Variants in STXBP2 observed in about 807,000 individuals in gnomAD.
STXBP2 encodes the protein syntaxin binding protein 2.
In STXBP2, 47 loss-of-function variants were observed where a neutral mutation model predicts 72.2. The ratio of observed to expected loss-of-function variants is 0.65; its 90% confidence interval spans 0.51 to 0.83. The LOEUF (loss-of-function observed/expected upper bound fraction) is 0.83. Ranked by LOEUF, STXBP2 falls within the 40% of genes least tolerant of loss-of-function variation. The pLI is 0.00. For synonymous variants in STXBP2, 367 were observed against 338.7 expected, an observed-to-expected ratio of 1.08 and a Z score of -0.92; for missense variants, 702 against 807.6, an observed-to-expected ratio of 0.87 and a Z score of 1.58.
intron 13 of STXBP2, chr19:7,644,389 G>A (rs2032044805): frequency 1.7e-6 from 1 of 599,568 alleles, no homozygotes; most frequent in Non-Finnish European, 3.0e-6. Context: ...GGTGTGACCT[G>A]TGTGTAGGTG....
intron 1 of STXBP2, 98 bp downstream of exon 1, chr19:7,637,284 T>C (rs1599386439): frequency 2.6e-6 from 3 of 1,171,906 alleles, no homozygotes; most frequent in Non-Finnish European, 3.2e-6. Context: ...CGGCTGGGAG[T>C]TGGGGGCCGG....
chr19:7,644,976 T>C lies in STXBP2; in HGVS notation c.1247-221T>C, dbSNP rs865776669. ...AACGTAGAAACCCTCACATCTGTGA[T>C]TCCTATAGATGTGGGGCTCCCTCAG... On this transcript the variant is annotated intron_variant, in intron 14 of 18. Coordinates refer to ENST00000221283, the MANE Select transcript of STXBP2 (RefSeq NM_006949.4). 1.1e-5 allele frequency: 16 copies of C among 1,446,878 alleles called. No homozygotes were observed. The South Asian group carries it at 1.7e-4, about 16-fold the overall frequency. The allele number at this position is 1,446,878 out of a possible 1,614,324, so 89.6% of individuals were successfully genotyped here.
At chr19:7,643,803 T>C (rs1310419558) in intron 13 of STXBP2, among the ~76,000 whole-genome samples, 3 of 94,330 alleles carry the variant, frequency 3.2e-5, no homozygotes, top group African/African-American at 1.3e-4. Context: ...GGATGAGGGG[T>C]GGAACCTTGG....
rs765646660 is a variant in STXBP2, at chr19:7,640,515, TGTGTGCATGC to T, written c.247-210_247-201del. 4.4e-4 allele frequency: 305 copies of T among 695,818 alleles called. 2 individuals carry two copies. The highest frequency in any genetic ancestry group is 1.6e-4 in the Non-Finnish European group (60 of 382,216). 43.1% of individuals were successfully genotyped at this position (695,818 alleles called of 1,614,324 possible). On this transcript the variant is annotated intron_variant, in intron 4 of 18. Transcript: ENST00000221283. ...GTGTGTGCATCTGTGTGTGTGTGCATGTGTGCATGCGTGTGTATGTGTGTGTGCGTGCGTG... is the reference window on the plus strand; with the variant it reads ...GTGTGTGCATCTGTGTGTGTGTGCATGTGTGTATGTGTGTGTGCGTGCGTG...
At chr19:7,641,303 G>A (rs2031865925) in intron 6 of STXBP2, 2 of 502,708 alleles carry the variant, frequency 4.0e-6, no homozygotes, top group Admixed American at 3.2e-5. Flanking sequence ...CCGGGAGGTC[G>A]AGGCTGCAGT....
intron 1 of STXBP2, among the ~76,000 whole-genome samples, chr19:7,637,425 T>C (rs567036839): frequency 6.6e-6 from 1 of 151,954 alleles, no homozygotes; most frequent in African/African-American, 2.4e-5. Flanking sequence ...AGGGGACGGG[T>C]AGAGTGTGGC....
chr19:7,646,349 TGGGTGGCAGGTCA>T lies in STXBP2; in HGVS notation c.1452+12_1452+24del, dbSNP rs754475066. 15 of 1,600,524 alleles carry T rather than the reference TGGGTGGCAGGTCA, an allele frequency of 9.4e-6. No homozygotes were observed. Among genetic ancestry groups the T allele is most frequent in the Non-Finnish European group, 1.3e-5 (15 of 1,174,516 alleles). On this transcript the variant is annotated splice_donor_region_variant and intron_variant, in intron 16 of 18. Transcript: ENST00000221283. ...GTCATCAAGGATGTAATGGAGGTAC[TGGGTGGCAGGTCA>T]GGGTGGGGGCCAGCCCTCCGCATCG...
upstream of STXBP2, chr19:7,632,665 A>G: frequency 6.5e-7 from 1 of 1,545,626 alleles, no homozygotes; most frequent in Non-Finnish European, 8.7e-7. This position sits in a 1 kb window ranked among gnomAD's most constrained non-coding sequence, Gnocchi z 5.2. Context: ...CTTGCCCTGC[A>G]CTCCCACCCC....
In STXBP2 at chr19:7,647,219, C is replaced by T; in HGVS notation, c.1510C>T (p.Pro504Ser). 6.2e-7 allele frequency: 1 copy of T among 1,611,814 alleles called. No homozygotes were observed. Among genetic ancestry groups the T allele is most frequent in the Non-Finnish European group, 8.5e-7 (1 of 1,179,784 alleles). ...GTGGCCCTTCGTATCCGACCCCGCC[C>T]CCACGGCCAGCTCCCAGGCCGCTGT... ...NLWPFVSDPA[P>S]TASSQAAVSA... Residue 504 changes from proline to serine, a missense_variant, in exon 17 of 19, where the codon CCC becomes TCC. Pro to Ser is a moderately conservative substitution (Grantham distance 74). Coordinates refer to ENST00000221283, the MANE Select transcript of STXBP2 (RefSeq NM_006949.4).
Position 7,639,229 on chromosome 19 carries a change from C to G in STXBP2, c.169+129C>G. The G allele has an allele frequency of 3.1e-6, 3 of 971,148 alleles. No individual in the cohort carries two copies. In the South Asian group the frequency reaches 4.1e-5, roughly 13 times the overall value. 60.2% of individuals were successfully genotyped at this position (971,148 alleles called of 1,614,324 possible). On this transcript the variant is annotated intron_variant, in intron 3 of 18. Transcript: ENST00000221283. ...TCCAGAACTCCCAAGTACGCAGCTCCCTGCACGGACAGCCCGGATCATGTG... is the reference window on the plus strand; with the variant it reads ...TCCAGAACTCCCAAGTACGCAGCTCGCTGCACGGACAGCCCGGATCATGTG...
chr19:7,637,740 G>A (rs1202443588), intron 1 of STXBP2, among the ~76,000 whole-genome samples: 1 of 152,130 alleles, frequency 6.6e-6, no homozygotes, highest in East Asian at 1.9e-4. Context: ...GGTGGAGGGC[G>A]CCTCTTCCTC....
chr19:7,632,335 A>G (rs565996462), upstream of STXBP2: 683 of 1,602,328 alleles, frequency 4.3e-4, 5 homozygotes, highest in South Asian at 5.8e-3. The surrounding 1 kb of genome is among the most constrained non-coding windows in gnomAD (Gnocchi z 5.2). Flanking sequence ...GGTGGAGGGC[A>G]GGATCGGAGA....
chr19:7,640,454 ATG>A (rs367797728), intron 4 of STXBP2: 187 of 620,248 alleles, frequency 3.0e-4, no homozygotes, highest in East Asian at 2.9e-3. Flanking sequence ...GTGTGTATGT[ATG>A]TGTGTGCATC....
At chr19:7,632,522 G>A (rs370764148), upstream of STXBP2, 43 of 1,612,596 alleles carry the variant, frequency 2.7e-5, no homozygotes, top group African/African-American at 2.5e-4. This position sits in a 1 kb window ranked among gnomAD's most constrained non-coding sequence, Gnocchi z 5.2. Flanking sequence ...CGCTCTCTGC[G>A]TGGACGTTCA....
At position 7,638,739 on chromosome 19, in the gene STXBP2, A is replaced by C. The variant is rs1168825403; in HGVS notation, c.51A>C (p.Gly17=). The change falls in exon 2 of 19, where the codon GGA becomes GGC. Residue 17 remains glycine (G), a synonymous_variant. Coordinates refer to ENST00000221283, the MANE Select transcript of STXBP2 (RefSeq NM_006949.4). The part of the protein sequence containing the change: ...KAVVGEKILS[G]VIRSVKKDGE... ...CCTTCCCTGCAGAAATTCTGAGCGG[A>C]GTTATTCGGAGTGTCAAGAAGGATG... The C allele has an allele frequency of 6.2e-7, 1 of 1,613,684 alleles. No homozygotes were observed. Among genetic ancestry groups the C allele is most frequent in the African/African-American group, 1.3e-5 (1 of 74,838 alleles).
At chr19:7,634,962 A>G (rs1301966096), upstream of STXBP2, among the ~76,000 whole-genome samples, 2 of 152,172 alleles carry the variant, frequency 1.3e-5, no homozygotes, top group African/African-American at 4.8e-5. Flanking sequence ...ACATATAACT[A>G]TCTTACAAGG....
chr19:7,630,434 T>TG, the STXBP2 span: 3 of 678,596 alleles, frequency 4.4e-6, no homozygotes, highest in Non-Finnish European at 7.7e-6. Flanking sequence ...TCTGTACCCT[T>TG]GGTGGGAGTT....
At chr19:7,630,348 A>C in the STXBP2 span, 1 of 576,334 alleles carries the variant, frequency 1.7e-6, no homozygotes, top group Non-Finnish European at 3.1e-6. Context: ...GTTTGAGAGG[A>C]AGACTCCAGC....
chr19:7,630,962 G>C, the STXBP2 span: 1 of 1,313,046 alleles, frequency 7.6e-7, no homozygotes, highest in Non-Finnish European at 1.1e-6. Context: ...GTAATCCCAG[G>C]GCATGGGAGG....
Sources: gnomAD v4.1 joint callset for allele counts (sites outside exome capture counted in the v4.1 genomes callset) on GRCh38, gnomAD v4.1.1 for gene constraint, Gnocchi (gnomAD v3.1) non-coding constraint, MANE v1.5 for transcripts, NCBI Gene and HGNC (gene_info 2026-07-23, HGNC 2026-07-21) for gene names.